BCL2: variants seen among roughly 807,000 people sequenced by gnomAD.
BCL2 encodes the protein apoptosis regulator Bcl-2.
A neutral mutation model predicts 14.2 loss-of-function variants in BCL2; 1 was observed. The observed-to-expected ratio is 0.07, with a 90% CI of 0.02 to 0.33. The LOEUF (loss-of-function observed/expected upper bound fraction) is 0.33, where lower values mean the gene tolerates loss of function less well. BCL2 is among the 10% of genes least tolerant of loss of function. The pLI, the probability that BCL2 is intolerant of heterozygous loss-of-function variation, is 0.99. For missense variants in BCL2, 247 were observed against 305.9 expected, an observed-to-expected ratio of 0.81 and a Z score of 1.44; for synonymous variants, 151 against 137.2, an observed-to-expected ratio of 1.10 and a Z score of -0.70.
chr18:63,225,107 G>A (rs1910509138), intron 2 of BCL2, among the ~76,000 whole-genome samples: 1 of 152,046 alleles, frequency 6.6e-6, no homozygotes. Context: ...GGTACTGTGA[G>A]CCTATGGAAG....
intron 2 of BCL2, among the ~76,000 whole-genome samples, chr18:63,307,285 G>A (rs1291386209): frequency 1.3e-5 from 2 of 152,126 alleles, no homozygotes; most frequent in Non-Finnish European, 2.9e-5. Flanking sequence ...TTTAGTCATG[G>A]GTGATGCCCT....
At chr18:63,138,741 G>T (rs1006922003) in intron 2 of BCL2, among the ~76,000 whole-genome samples, 3 of 152,228 alleles carry the variant, frequency 2.0e-5, no homozygotes, top group Non-Finnish European at 4.4e-5. Context: ...GATGTAACAA[G>T]AAACCTGCTG....
chr18:63,255,655 T>A (rs577685459), intron 2 of BCL2, among the ~76,000 whole-genome samples: 1 of 152,302 alleles, frequency 6.6e-6, no homozygotes, highest in South Asian at 2.1e-4. Flanking sequence ...TACTCACTTC[T>A]TAACCTCAGT....
chr18:63,193,336 T>A (rs12962650), intron 2 of BCL2, among the ~76,000 whole-genome samples: 4 of 151,998 alleles, frequency 2.6e-5, no homozygotes, highest in South Asian at 4.2e-4. Flanking sequence ...TTAAGAACTC[T>A]TAACATGAGA....
rs1226774253 is a variant in BCL2, at chr18:63,123,899, A to C, written c.*4726T>G. 9.2e-6 allele frequency: 2 copies of C among 218,318 alleles called. No homozygotes were observed. Among genetic ancestry groups the C allele is most frequent in the Admixed American group, 5.8e-5 (1 of 17,228 alleles). 13.5% of individuals were successfully genotyped at this position (218,318 alleles called of 1,614,324 possible). On this transcript the variant is annotated 3_prime_UTR_variant, in exon 3 of 3. Coordinates refer to ENST00000333681, the MANE Select transcript of BCL2 (RefSeq NM_000633.3). ...TACTCAGTATCTACACTACAGTCTT[A>C]TTTATTAATAGTCTCAGAATTTTCT...
In BCL2 at chr18:63,289,909, A is replaced by C. The variant is rs181775914; in HGVS notation, c.585+28173T>G. On this transcript the variant is annotated intron_variant, in intron 2 of 2. Transcript: ENST00000333681. The stretch of plus-strand genomic sequence containing the variant: ...CTCCACCTCAAGAAGAAAAACAATC[A>C]GGGAAGAATTTTAATTAAATCATCA... 9.1e-4 allele frequency among the ~76,000 whole-genome samples: 139 copies of C among 152,312 alleles called. 1 individual carries two copies. Among genetic ancestry groups the C allele is most frequent in the African/African-American group, 3.3e-3 (137 of 41,574 alleles).
intron 2 of BCL2, among the ~76,000 whole-genome samples, chr18:63,181,336 C>G (rs778097494): frequency 6.6e-6 from 1 of 152,130 alleles, no homozygotes; most frequent in African/African-American, 2.4e-5. Flanking sequence ...TTAGAAAGAG[C>G]AACTAGGAGG....
intron 2 of BCL2, among the ~76,000 whole-genome samples, chr18:63,276,185 T>C (rs1446411475): frequency 6.6e-6 from 1 of 152,222 alleles, no homozygotes; most frequent in Non-Finnish European, 1.5e-5. Context: ...CAGCTCACTC[T>C]TGGGGGCCGA....
chr18:63,304,491 T>C (rs573673462), intron 2 of BCL2, among the ~76,000 whole-genome samples: 70 of 152,348 alleles, frequency 4.6e-4, no homozygotes, highest in African/African-American at 1.6e-3. Flanking sequence ...CTAAAGGAGA[T>C]AGTGTCTCAG....
rs773083543 is a variant in BCL2 at position 63,126,183 on chromosome 18, G to A, written c.*2442C>T. On this transcript the variant is annotated 3_prime_UTR_variant, in exon 3 of 3. Coordinates refer to ENST00000333681, the MANE Select transcript of BCL2 (RefSeq NM_000633.3). ...TGCTTAAAAATTAGAATCATTCAAA[G>A]GTCTGATCATTCTGTTCCCTGAGGC... is the stretch of plus-strand genomic sequence containing the variant. 1 of 215,402 alleles carries A rather than the reference G, an allele frequency of 4.6e-6. No homozygotes were observed. Among genetic ancestry groups the A allele is most frequent in the African/African-American group, 2.3e-5 (1 of 44,262 alleles). The allele number at this position is 215,402 out of a possible 1,614,324, so 13.3% of individuals were successfully genotyped here.
At chr18:63,220,547 G>T (rs755256869) in intron 2 of BCL2, among the ~76,000 whole-genome samples, 1 of 152,094 alleles carries the variant, frequency 6.6e-6, no homozygotes, top group African/African-American at 2.4e-5. Context: ...TAGGTTTTTC[G>T]TCATCAACTC....
At chr18:63,265,253 C>T (rs1283802651) in intron 2 of BCL2, among the ~76,000 whole-genome samples, 5 of 152,124 alleles carry the variant, frequency 3.3e-5, no homozygotes, top group African/African-American at 1.2e-4. Context: ...GAAGAAAGGG[C>T]CCTTGTTCTT....
chr18:63,254,366 G>A (rs868714165), intron 2 of BCL2, among the ~76,000 whole-genome samples: 25 of 111,100 alleles, frequency 2.3e-4, no homozygotes, highest in Non-Finnish European at 3.3e-4. Context: ...GGCGGCATAG[G>A]GAAACCCTGT....
At chr18:63,258,928 A>C (rs12457893) in intron 2 of BCL2, among the ~76,000 whole-genome samples, 60,496 of 152,206 alleles carry the variant, frequency 0.4, 12,791 homozygotes, top group East Asian at 0.61. Context: ...TCCTTTGTAG[A>C]TAAAAATGCA....
chr18:63,238,638 T>C (rs1472126744), intron 2 of BCL2, among the ~76,000 whole-genome samples: 1 of 152,226 alleles, frequency 6.6e-6, no homozygotes, highest in Non-Finnish European at 1.5e-5. Context: ...ATCCCATTCA[T>C]AAATACATGG....
At chr18:63,198,834 CAG>C (rs1401839627) in intron 2 of BCL2, among the ~76,000 whole-genome samples, 1 of 150,274 alleles carries the variant, frequency 6.7e-6, no homozygotes, top group Non-Finnish European at 1.5e-5. Flanking sequence ...CAGACATACA[CAG>C]ACACACATAG....
intron 2 of BCL2, among the ~76,000 whole-genome samples, chr18:63,268,713 C>T (rs1281368770): frequency 6.6e-6 from 1 of 152,158 alleles, no homozygotes; most frequent in Non-Finnish European, 1.5e-5. Flanking sequence ...GACTGGGCAA[C>T]AGAAATATTA....
chr18:63,318,595 C>A lies in BCL2; in HGVS notation c.72G>T (p.Ser24=), dbSNP rs752978070. The A allele has an allele frequency of 8.6e-5, 139 of 1,608,290 alleles. No homozygotes were observed. The highest frequency in any genetic ancestry group is 1.1e-4 in the Non-Finnish European group (129 of 1,177,568). ...IVMKYIHYKL[S]QRGYEWDAGD... Reference sequence around the variant, plus strand: ...CCGCATCCCACTCGTAGCCCCTCTGCGACAGCTTATAATGGATGTACTTCA... The same window carrying A: ...CCGCATCCCACTCGTAGCCCCTCTGAGACAGCTTATAATGGATGTACTTCA... The change falls in exon 2 of 3, where the codon TCG becomes TCT. Residue 24 remains serine, a synonymous_variant. Coordinates refer to ENST00000333681, the MANE Select transcript of BCL2 (RefSeq NM_000633.3). The surrounding 1 kb of genome is among the most constrained non-coding windows in gnomAD (Gnocchi z 7.4).
At chr18:63,263,808 G>A (rs188875521) in intron 2 of BCL2, among the ~76,000 whole-genome samples, 7 of 152,156 alleles carry the variant, frequency 4.6e-5, no homozygotes, top group Non-Finnish European at 8.8e-5. Flanking sequence ...CGGAATAATG[G>A]GGCCTACCTT....
Sources: allele counts gnomAD v4.1 joint callset (sites outside exome capture counted in the v4.1 genomes callset), GRCh38; gene constraint gnomAD v4.1.1; non-coding constraint Gnocchi (gnomAD v3.1); transcripts MANE v1.5; gene names NCBI Gene and HGNC (gene_info 2026-07-23, HGNC 2026-07-21).